Variants in HEPHL1 observed in about 807,000 individuals in gnomAD.
HEPHL1 encodes hephaestin like 1, also known as ferroxidase HEPHL1.
Under a neutral mutation model 122.0 loss-of-function variants are expected in HEPHL1, and 123 were observed. The ratio of observed to expected loss-of-function variants is 1.01; its 90% CI spans 0.87 to 1.17. The LOEUF is 1.17. HEPHL1 is among the 50% of genes most tolerant of loss of function. HEPHL1 has a pLI of 0.00. For synonymous variants in HEPHL1, 527 were observed against 508.9 expected, an observed-to-expected ratio of 1.04 and a Z score of -0.48; for missense variants, 1,452 against 1,430.5, an observed-to-expected ratio of 1.01 and a Z score of -0.24.
chr11:94,068,100 A>C (rs950540030), intron 5 of HEPHL1, among the ~76,000 whole-genome samples: 14 of 152,330 alleles, frequency 9.2e-5, no homozygotes, highest in African/African-American at 3.4e-4. Context: ...CTCTGGAGCA[A>C]TCAGAGGGGC....
chr11:94,059,059 G>T (rs2134424091), intron 2 of HEPHL1, among the ~76,000 whole-genome samples: 1 of 152,146 alleles, frequency 6.6e-6, no homozygotes, highest in South Asian at 2.1e-4. Flanking sequence ...CACTCCAAAG[G>T]CAATAATCTT....
At position 94,021,507 on chromosome 11, in the gene HEPHL1, G is replaced by A; in HGVS notation, c.139G>A (p.Val47Ile). The A allele has an allele frequency of 6.2e-7, 1 of 1,611,000 alleles. No individual in the cohort carries two copies. The stretch of plus-strand genomic sequence containing the variant: ...GAACTATGTACCCCAAGGGAAGAAT[G>A]TTATTACTGGGAAAAGTTTCACAGA... ...YWNYVPQGKN[V>I]ITGKSFTEDK... Residue 47 changes from valine to isoleucine, a missense_variant, in exon 1 of 20, where the codon GTT becomes ATT. Val to Ile is a conservative substitution (Grantham distance 29, BLOSUM62 3). Coordinates refer to ENST00000315765, the MANE Select transcript of HEPHL1 (RefSeq NM_001098672.2).
chr11:94,086,956 G>A (rs1946223719), intron 11 of HEPHL1, among the ~76,000 whole-genome samples: 2 of 152,194 alleles, frequency 1.3e-5, no homozygotes, highest in South Asian at 4.1e-4. Flanking sequence ...CCTAAGATGA[G>A]TACTTGCTGT....
In HEPHL1 at chr11:94,111,702, C is replaced by A. The variant is rs759967804; in HGVS notation, c.3288C>A (p.Gly1096=). 4.3e-6 allele frequency: 7 copies of A among 1,611,202 alleles called. No homozygotes were observed. Among genetic ancestry groups the A allele is most frequent in the Non-Finnish European group, 2.5e-6 (3 of 1,178,414 alleles). ...TTATCTTTTTCACAGAACGACCTGG[C>A]AAAGAGCAGCTCTATTTCTTTGGCA... ...PATVPSNERP[G]KEQLYFFGKN... Residue 1096 remains glycine (G), a synonymous_variant, in exon 20 of 20, where the codon GGC becomes GGA. Transcript: ENST00000315765.
intron 12 of HEPHL1, among the ~76,000 whole-genome samples, chr11:94,091,615 T>C (rs555015050): frequency 6.6e-6 from 1 of 152,262 alleles, no homozygotes; most frequent in East Asian, 1.9e-4. Flanking sequence ...TCCTGGTCCA[T>C]GGTAAGACTT....
At chr11:94,098,176 G>C (rs1946335119) in intron 13 of HEPHL1, among the ~76,000 whole-genome samples, 1 of 152,108 alleles carries the variant, frequency 6.6e-6, no homozygotes, top group Admixed American at 6.5e-5. Flanking sequence ...TCCATGTTTA[G>C]TGCTTCCTTC....
chr11:94,081,636 G>A (rs1360854969), intron 9 of HEPHL1, among the ~76,000 whole-genome samples: 2 of 151,972 alleles, frequency 1.3e-5, no homozygotes, highest in Admixed American at 6.6e-5. Context: ...GCTAAGTCTC[G>A]TCAGTTATAT....
At chr11:94,073,542 T>A in intron 8 of HEPHL1, 103 bp downstream of exon 8, 1 of 1,108,380 alleles carries the variant, frequency 9.0e-7, no homozygotes, top group Non-Finnish European at 1.3e-6. Flanking sequence ...TTACCTGCCC[T>A]GAGAGCTTGG....
Position 94,081,549 on chromosome 11 carries a change from T to C in HEPHL1, c.1717-869T>C, listed in dbSNP as rs190548653. Among the ~76,000 whole-genome samples the C allele has an allele frequency of 2.1e-3, 314 of 152,314 alleles. 1 individual carries two copies. Among genetic ancestry groups the C allele is most frequent in the African/African-American group, 6.7e-3 (279 of 41,562 alleles). On this transcript the variant is annotated intron_variant, in intron 9 of 19. Transcript: ENST00000315765. ...TGCTGTGTGATCAGATAGGCTCAAA[T>C]AGACTGATTAGGAATACATGCTGTG...
At chr11:94,080,555 A>G (rs765550945) in intron 9 of HEPHL1, among the ~76,000 whole-genome samples, 2 of 152,218 alleles carry the variant, frequency 1.3e-5, no homozygotes, top group Non-Finnish European at 2.9e-5. Flanking sequence ...CCATCTGATG[A>G]AGGTCTAATA....
At chr11:94,057,756 A>C (rs1945950253) in intron 2 of HEPHL1, among the ~76,000 whole-genome samples, 1 of 152,066 alleles carries the variant, frequency 6.6e-6, no homozygotes, top group Non-Finnish European at 1.5e-5. Flanking sequence ...GCTAAATTCA[A>C]CCTATAAGGA....
intron 6 of HEPHL1, among the ~76,000 whole-genome samples, chr11:94,070,865 G>A (rs981091149): frequency 6.6e-6 from 1 of 152,072 alleles, no homozygotes; most frequent in Non-Finnish European, 1.5e-5. Flanking sequence ...ATAGAGTAAG[G>A]CCTTTACACA....
At position 94,067,577 on chromosome 11, in the gene HEPHL1, T is replaced by G. The variant is rs1946044474; in HGVS notation, c.890T>G (p.Met297Arg). ...GESVSWHLFG[M>R]GNEIDIHSIY... ...TCTGTGTCCTGGCACCTATTTGGAA[T>G]GGGGAATGAAATAGACATCCATTCT... The change falls in exon 5 of 20, where the codon ATG becomes AGG. Residue 297 changes from methionine to arginine, a missense_variant. Physicochemically the swap from Met to Arg is moderately conservative, Grantham distance 91. Coordinates refer to ENST00000315765, the MANE Select transcript of HEPHL1 (RefSeq NM_001098672.2). 2 of 1,613,558 alleles carry G rather than the reference T, an allele frequency of 1.2e-6. No individual in the cohort carries two copies.
At chr11:94,069,935 C>T (rs948052704) in intron 5 of HEPHL1, among the ~76,000 whole-genome samples, 7 of 152,118 alleles carry the variant, frequency 4.6e-5, no homozygotes, top group Admixed American at 3.3e-4. Context: ...GGCTCTTTCC[C>T]CATTCATCTA....
chr11:94,072,031 T>C (rs1457249813), intron 6 of HEPHL1, among the ~76,000 whole-genome samples: 1 of 152,110 alleles, frequency 6.6e-6, no homozygotes, highest in Non-Finnish European at 1.5e-5. Flanking sequence ...GATTGGCAAT[T>C]GGAAGCAATT....
chr11:94,102,609 T>C (rs746662627), intron 14 of HEPHL1, among the ~76,000 whole-genome samples: 2 of 152,186 alleles, frequency 1.3e-5, no homozygotes, highest in African/African-American at 2.4e-5. Flanking sequence ...GGGAAGGAGA[T>C]AAAACATTTA....
intron 8 of HEPHL1, among the ~76,000 whole-genome samples, chr11:94,074,369 T>A (rs1373172276): frequency 6.6e-6 from 1 of 152,044 alleles, no homozygotes; most frequent in Admixed American, 6.6e-5. Context: ...AATTCAAGAT[T>A]ACAGTTATAA....
At chr11:94,094,419 T>C (rs1946292831) in intron 13 of HEPHL1, among the ~76,000 whole-genome samples, 1 of 152,180 alleles carries the variant, frequency 6.6e-6, no homozygotes, top group Admixed American at 6.5e-5. Flanking sequence ...TTGGGTTGGT[T>C]CCAAGTCTTT....
At chr11:94,027,430 C>T (rs775510314) in intron 1 of HEPHL1, among the ~76,000 whole-genome samples, 8 of 152,174 alleles carry the variant, frequency 5.3e-5, no homozygotes, top group Non-Finnish European at 8.8e-5. Context: ...TGCCGTCTCA[C>T]GGGGTTCTTT....
Sources: gnomAD v4.1 joint callset for allele counts (sites outside exome capture counted in the v4.1 genomes callset) on GRCh38, gnomAD v4.1.1 for gene constraint, MANE v1.5 for transcripts, NCBI Gene and HGNC (gene_info 2026-07-23, HGNC 2026-07-21) for gene names.